SPOCK1: variants seen among roughly 807,000 people sequenced by gnomAD.
The protein encoded by SPOCK1 is testican-1.
SPOCK1 carries 23 observed loss-of-function variants against 55.3 expected under a neutral mutation model. The ratio of observed to expected loss-of-function variants is 0.42; its 90% CI spans 0.30 to 0.59. The LOEUF (loss-of-function observed/expected upper bound fraction) is 0.59, where lower values mean the gene tolerates loss of function less well. Ranked by LOEUF, SPOCK1 falls within the 20% of genes least tolerant of loss-of-function variation. The pLI, the probability that SPOCK1 is intolerant of heterozygous loss-of-function variation, is 0.22. For missense variants in SPOCK1, 499 were observed against 552.5 expected (o/e 0.90, Z 0.97); for synonymous variants, 226 against 221.0 (o/e 1.02, Z -0.20).
At chr5:137,498,916 CGGT>C (rs1380425647) in intron 1 of SPOCK1, among the ~76,000 whole-genome samples, 2 of 618 alleles carry the variant, frequency 3.2e-3, no homozygotes, top group African/African-American at 0.013. Flanking sequence ...ACAGACGGTG[CGGT>C]GCACACGGCT....
At chr5:137,319,504 TA>T (rs1757940982) in intron 2 of SPOCK1, among the ~76,000 whole-genome samples, 1 of 152,258 alleles carries the variant, frequency 6.6e-6, no homozygotes, top group Admixed American at 6.5e-5. Context: ...GCATCAATGA[TA>T]AAACTAGTTA....
At chr5:137,116,627 CA>C (rs1753587237) in intron 4 of SPOCK1, among the ~76,000 whole-genome samples, 2 of 151,316 alleles carry the variant, frequency 1.3e-5, no homozygotes, top group Non-Finnish European at 2.9e-5. Flanking sequence ...GCCTGGGCAA[CA>C]AAAACAAAAC....
intron 2 of SPOCK1, among the ~76,000 whole-genome samples, chr5:137,395,921 C>A (rs945061767): frequency 1.3e-4 from 20 of 152,108 alleles, no homozygotes; most frequent in African/African-American, 4.1e-4. Context: ...AGATCCCAAT[C>A]CCCCCCAATA....
At chr5:137,338,532 T>C (rs1338278589) in intron 2 of SPOCK1, among the ~76,000 whole-genome samples, 20 of 151,898 alleles carry the variant, frequency 1.3e-4, no homozygotes, top group Admixed American at 3.9e-4. Flanking sequence ...GGGTATATAC[T>C]CAGTAATGGG....
chr5:137,475,151 C>A (rs1282720903), intron 2 of SPOCK1, among the ~76,000 whole-genome samples: 1 of 152,176 alleles, frequency 6.6e-6, no homozygotes, highest in Admixed American at 6.5e-5. Flanking sequence ...ATAATACAGA[C>A]CATCACTGCT....
At chr5:137,012,157 G>T (rs924756679) in intron 6 of SPOCK1, among the ~76,000 whole-genome samples, 1 of 152,124 alleles carries the variant, frequency 6.6e-6, no homozygotes, top group Non-Finnish European at 1.5e-5. Flanking sequence ...GTGAGGCGAG[G>T]ATTTTAATTC....
intron 2 of SPOCK1, among the ~76,000 whole-genome samples, chr5:137,330,769 T>C (rs1758161911): frequency 1.3e-5 from 2 of 152,182 alleles, no homozygotes; most frequent in South Asian, 4.1e-4. Flanking sequence ...ATCTTCCCAG[T>C]CCCACATTCA....
At chr5:137,323,122 T>C (rs920013650) in intron 2 of SPOCK1, among the ~76,000 whole-genome samples, 8 of 152,208 alleles carry the variant, frequency 5.3e-5, no homozygotes, top group Non-Finnish European at 7.3e-5. Flanking sequence ...GTTTTTAACA[T>C]GTGCATTTTG....
chr5:137,314,848 A>G (rs1164115065), intron 2 of SPOCK1, among the ~76,000 whole-genome samples: 1 of 152,206 alleles, frequency 6.6e-6, no homozygotes, highest in Non-Finnish European at 1.5e-5. Context: ...TTAGGCTCTC[A>G]GGACAACCCC....
intron 6 of SPOCK1, among the ~76,000 whole-genome samples, chr5:136,997,246 C>T (rs1475459280): frequency 6.6e-6 from 1 of 152,144 alleles, no homozygotes; most frequent in East Asian, 1.9e-4. Context: ...CTCATATATT[C>T]TCAGGGCAAA....
chr5:137,267,291 C>T (rs1051316423), intron 2 of SPOCK1, among the ~76,000 whole-genome samples: 7 of 152,162 alleles, frequency 4.6e-5, no homozygotes, highest in African/African-American at 1.4e-4. Flanking sequence ...CATTTCAGCC[C>T]AGTATAGAAA....
In SPOCK1 at chr5:137,402,208, G is replaced by A. The variant is rs568419956; in HGVS notation, c.186+96165C>T. Among the ~76,000 whole-genome samples the A allele has an allele frequency of 1.3e-4, 20 of 152,250 alleles. No individual in the cohort carries two copies. The South Asian group carries it at 3.9e-3, about 30-fold the overall frequency. Reference sequence around the variant, plus strand: ...TTTATTTCAGTTCCCCTGAGTCAGAGGAGTTTTCATTTGCTTCAGTAGAAG... The same window carrying A: ...TTTATTTCAGTTCCCCTGAGTCAGAAGAGTTTTCATTTGCTTCAGTAGAAG... On this transcript the variant is annotated intron_variant, in intron 2 of 10. Coordinates refer to ENST00000394945, the MANE Select transcript of SPOCK1 (RefSeq NM_004598.4).
intron 5 of SPOCK1, among the ~76,000 whole-genome samples, chr5:137,073,612 A>G (rs116570107): frequency 0.016 from 2,428 of 152,322 alleles, 64 homozygotes; most frequent in African/African-American, 0.055. Context: ...AAGGCTTCCA[A>G]ATAAGTCAGA....
chr5:137,307,235 G>T (rs996101176), intron 2 of SPOCK1, among the ~76,000 whole-genome samples: 1 of 152,232 alleles, frequency 6.6e-6, no homozygotes, highest in African/African-American at 2.4e-5. Flanking sequence ...GGACAAAGCT[G>T]GAGGCAGGCC....
chr5:136,976,022 T>C lies in SPOCK1; in HGVS notation c.*2632A>G, dbSNP rs1162747080. 1 of 152,212 alleles carries C rather than the reference T, an allele frequency of 6.6e-6. No homozygotes were observed. Among genetic ancestry groups the C allele is most frequent in the Non-Finnish European group, 1.5e-5 (1 of 68,040 alleles). The allele number at this position is 152,212 out of a possible 1,614,324, so 9.4% of individuals were successfully genotyped here. On this transcript the variant is annotated 3_prime_UTR_variant, in exon 11 of 11. Transcript: ENST00000394945. ...ATTTTTATAATCAGTATTTTATGTG[T>C]ACTTGGTCACTATACAAGTGACTTC...
Position 137,310,279 on chromosome 5 carries a change from C to T in SPOCK1, c.187-43224G>A, listed in dbSNP as rs148635770. ...CTATAAATAGAAGTTCCTGTCTCTCCCATTTAAATGAATGGCACCAAGCTT... is the reference window on the plus strand; with the variant it reads ...CTATAAATAGAAGTTCCTGTCTCTCTCATTTAAATGAATGGCACCAAGCTT... On this transcript the variant is annotated intron_variant, in intron 2 of 10. Coordinates refer to ENST00000394945, the MANE Select transcript of SPOCK1 (RefSeq NM_004598.4). Among the ~76,000 whole-genome samples, 745 of 152,258 alleles carry T rather than the reference C, an allele frequency of 4.9e-3. 7 individuals carry two copies. Among genetic ancestry groups the T allele is most frequent in the African/African-American group, 0.016 (670 of 41,548 alleles).
intron 5 of SPOCK1, among the ~76,000 whole-genome samples, chr5:137,092,491 C>T (rs1257224047): frequency 6.6e-6 from 1 of 152,218 alleles, no homozygotes; most frequent in Non-Finnish European, 1.5e-5. Context: ...TCTGTCATTA[C>T]CTCCTCAAGA....
chr5:137,370,352 C>T (rs866204809), intron 2 of SPOCK1, among the ~76,000 whole-genome samples: 1 of 152,164 alleles, frequency 6.6e-6, no homozygotes, highest in South Asian at 2.1e-4. Flanking sequence ...CTCTTAATCA[C>T]GTCCCTGCCA....
chr5:137,114,446 G>T (rs917112951), intron 4 of SPOCK1, among the ~76,000 whole-genome samples: 1 of 152,184 alleles, frequency 6.6e-6, no homozygotes, highest in African/African-American at 2.4e-5. Context: ...GTCATTTGGG[G>T]TCTTCTCTCC....
Sources: gnomAD v4.1 joint callset for allele counts (sites outside exome capture counted in the v4.1 genomes callset) on GRCh38, gnomAD v4.1.1 for gene constraint, MANE v1.5 for transcripts, NCBI Gene and HGNC (gene_info 2026-07-23, HGNC 2026-07-21) for gene names.